OXTR: variants seen among roughly 807,000 people sequenced by gnomAD.
OXTR encodes oxytocin receptor.
Under a neutral mutation model 23.9 loss-of-function variants are expected in OXTR, and 19 were observed. That is an observed-to-expected ratio of 0.80 (90% CI 0.56 to 1.17). The LOEUF (loss-of-function observed/expected upper bound fraction) is 1.17. OXTR is among the 50% of genes most tolerant of loss of function. The pLI, the probability that OXTR is intolerant of heterozygous loss-of-function variation, is 0.00. For missense variants in OXTR, 500 were observed against 550.7 expected, an observed-to-expected ratio of 0.91 and a Z score of 0.92; for synonymous variants, 278 against 250.5, an observed-to-expected ratio of 1.11 and a Z score of -1.04.
intron 3 of OXTR, among the ~76,000 whole-genome samples, chr3:8,755,667 AG>A (rs1444518920): frequency 2.0e-5 from 3 of 152,184 alleles, no homozygotes; most frequent in Non-Finnish European, 4.4e-5. Context: ...GTGGGTCCTC[AG>A]GGGATGAAGG....
intron 3 of OXTR, among the ~76,000 whole-genome samples, chr3:8,765,702 TC>T (rs1245890503): frequency 6.6e-6 from 1 of 152,112 alleles, no homozygotes; most frequent in Non-Finnish European, 1.5e-5. Flanking sequence ...CCAACCCCAC[TC>T]CCTCATCATG....
the OXTR span, chr3:8,742,472 G>A: frequency 8.8e-6 from 4 of 456,502 alleles, no homozygotes; most frequent in Admixed American, 7.0e-5. Context: ...TGTAAGGAAA[G>A]GAGGACTCCA....
intron 3 of OXTR, among the ~76,000 whole-genome samples, chr3:8,761,494 G>T (rs1286852371): frequency 8.6e-6 from 1 of 116,026 alleles, no homozygotes; most frequent in African/African-American, 3.3e-5. Flanking sequence ...AAAACTGCTG[G>T]CCTGGGGCGG....
chr3:8,764,252 T>C lies in OXTR; in HGVS notation c.922+3014A>G, dbSNP rs185922247. On this transcript the variant is annotated intron_variant, in intron 3 of 3. Coordinates refer to ENST00000316793, the MANE Select transcript of OXTR (RefSeq NM_000916.4). The stretch of plus-strand genomic sequence containing the variant: ...CTCCCCTACCTCCCTGGGGTTTTCA[T>C]GATAAAGCAGGAACAGACCCATGTG... 3.0e-4 allele frequency among the ~76,000 whole-genome samples: 45 copies of C among 152,290 alleles called. 1 individual carries two copies. Among genetic ancestry groups the C allele is most frequent in the Admixed American group, 2.6e-3 (40 of 15,302 alleles).
At chr3:8,746,797 T>TCACACACACACACACACACACACACACA (rs113631543), downstream of OXTR, 1 of 132,966 alleles carries the variant, frequency 7.5e-6, no homozygotes, top group African/African-American at 2.6e-5. Flanking sequence ...TCTCTCTCTC[T>TCACACACACACACACACACACACACACA]CTCACACACA....
downstream of OXTR, among the ~76,000 whole-genome samples, chr3:8,747,303 G>A (rs1708189627): frequency 6.6e-6 from 1 of 152,116 alleles, no homozygotes; most frequent in African/African-American, 2.4e-5. Context: ...TCTCTAATGT[G>A]CATTTTGGCT....
Position 8,751,871 on chromosome 3 carries a change from T to C in OXTR, c.*1106A>G, listed in dbSNP as rs200889777. 6.6e-6 allele frequency: 1 copy of C among 152,340 alleles called. No homozygotes were observed. The highest frequency in any genetic ancestry group is 1.5e-5 in the Non-Finnish European group (1 of 68,032). 9.4% of individuals were successfully genotyped at this position (152,340 alleles called of 1,614,324 possible). ...GGTCCCTTGCATTTCTTTATGAATT[T>C]TGGGACTAGCTTATCAATTTCTGTA... On this transcript the variant is annotated 3_prime_UTR_variant, in exon 4 of 4. Transcript: ENST00000316793.
chr3:8,760,630 C>G (rs1159311101), intron 3 of OXTR, among the ~76,000 whole-genome samples: 1 of 152,346 alleles, frequency 6.6e-6, no homozygotes, highest in Non-Finnish European at 1.5e-5. Context: ...CTCCTAGGAA[C>G]ACCCTGTTCA....
At chr3:8,759,119 A>G (rs1187683363) in intron 3 of OXTR, among the ~76,000 whole-genome samples, 1 of 152,228 alleles carries the variant, frequency 6.6e-6, no homozygotes, top group African/African-American at 2.4e-5. Context: ...CCTTCCAACT[A>G]GCTCAAATCG....
In OXTR at chr3:8,767,650, C is replaced by G. The variant is rs762650827; in HGVS notation, c.538G>C (p.Val180Leu). Residue 180 changes from valine (V) to leucine (L), a missense_variant, in exon 3 of 4, where the codon GTG (valine) becomes CTG (leucine). Physicochemically the swap from Val to Leu is conservative, Grantham distance 32. Transcript: ENST00000316793. ...PQVHIFSLRE[V>L]ADGVFDCWAV... is the part of the protein sequence containing the mutation. The stretch of plus-strand genomic sequence containing the variant: ...CAGCAGTCGAAGACGCCGTCAGCCA[C>G]CTCGCGCAGAGAGAAGATGTGCACC... 4 of 1,612,710 alleles carry G rather than the reference C, an allele frequency of 2.5e-6. No homozygotes were observed. In the African/African-American group the frequency reaches 5.3e-5, roughly 22 times the overall value.
intron 3 of OXTR, 83 bp from the exon 4 acceptor site, chr3:8,753,307 C>A: frequency 6.8e-7 from 1 of 1,481,264 alleles, no homozygotes; most frequent in Non-Finnish European, 9.2e-7. Context: ...ACTTAAACAT[C>A]ATTTCCTGAG....
At position 8,768,016 on chromosome 3, in the gene OXTR, C is replaced by T. The variant is rs1239366031; in HGVS notation, c.172G>A (p.Ala58Thr). 3 of 1,608,564 alleles carry T rather than the reference C, an allele frequency of 1.9e-6. No individual in the cohort carries two copies. Among genetic ancestry groups the T allele is most frequent in the Non-Finnish European group, 2.5e-6 (3 of 1,177,956 alleles). The change falls in exon 3 of 4, where the codon GCG becomes ACG. Residue 58 changes from alanine (A) to threonine (T), a missense_variant. Physicochemically the swap from Ala to Thr is moderately conservative, Grantham distance 58. Coordinates refer to ENST00000316793, the MANE Select transcript of OXTR (RefSeq NM_000916.4). This position sits in a 1 kb window ranked among gnomAD's most constrained non-coding sequence, Gnocchi z 5.4. Reference sequence around the variant, plus strand: ...GTGCGCAGCGCCAGCAGCACACACGCGTTCCCGCTCAGCGCCAGGAGCAGG... The same window carrying T: ...GTGCGCAGCGCCAGCAGCACACACGTGTTCCCGCTCAGCGCCAGGAGCAGG... Reference protein sequence around the residue: ...LILLLALSGNACVLLALRTTR... With the variant: ...LILLLALSGNTCVLLALRTTR...
rs757022912 is a variant in OXTR, at chr3:8,767,464, C to T, written c.724G>A (p.Glu242Lys). 6.3e-6 allele frequency: 10 copies of T among 1,599,382 alleles called. No homozygotes were observed. Among genetic ancestry groups the T allele is most frequent in the African/African-American group, 1.3e-5 (1 of 74,500 alleles). The stretch of plus-strand genomic sequence containing the variant: ...CCAGCCGCCGCGCCCTCTGGCGCCT[C>T]GGCCGCCGCCGCTGCAGCGGTCTTG... Reference protein sequence around the residue: ...RLKTAAAAAAEAPEGAAAGDG... With the variant: ...RLKTAAAAAAKAPEGAAAGDG... Residue 242 changes from glutamate to lysine, a missense_variant, in exon 3 of 4, where the codon GAG becomes AAG. Transcript: ENST00000316793.
At chr3:8,764,336 C>T (rs368300245) in intron 3 of OXTR, among the ~76,000 whole-genome samples, 20 of 152,338 alleles carry the variant, frequency 1.3e-4, no homozygotes, top group African/African-American at 4.3e-4. Context: ...CCCTGGATGG[C>T]ATCACACTGT....
At chr3:8,765,872 C>T (rs1340124925) in intron 3 of OXTR, among the ~76,000 whole-genome samples, 1 of 152,210 alleles carries the variant, frequency 6.6e-6, no homozygotes. Context: ...TAACCAGTGT[C>T]TTGGCCACTA....
downstream of OXTR, among the ~76,000 whole-genome samples, chr3:8,747,835 A>G (rs1708196792): frequency 6.6e-6 from 1 of 152,212 alleles, no homozygotes; most frequent in Non-Finnish European, 1.5e-5. Flanking sequence ...TTATGTAGAG[A>G]ATTTGCCATC....
At chr3:8,745,364 G>GTAATTGA in the OXTR span, among the ~76,000 whole-genome samples, 1 of 152,144 alleles carries the variant, frequency 6.6e-6, no homozygotes, top group African/African-American at 2.4e-5. The surrounding 1 kb of genome is among the most constrained non-coding windows in gnomAD (Gnocchi z 4.8). Context: ...CCAGCCTCAG[G>GTAATTGA]TATGTCTTTA....
At position 8,750,773 on chromosome 3, in the gene OXTR, A is replaced by G. The variant is rs1019129316; in HGVS notation, c.*2204T>C. ...GTGGACAGACCACATTTTATTTCCC[A>G]TTCATCAGTTGGTAGACATTTGGGT... On this transcript the variant is annotated 3_prime_UTR_variant, in exon 4 of 4. Transcript: ENST00000316793. The G allele has an allele frequency of 3.9e-5, 6 of 152,120 alleles. No homozygotes were observed. Among genetic ancestry groups the G allele is most frequent in the African/African-American group, 1.4e-4 (6 of 41,412 alleles). The allele number at this position is 152,120 out of a possible 1,614,324, so 9.4% of individuals were successfully genotyped here. A position where few individuals can be genotyped will look rare whatever the true frequency, so the allele number is the denominator to read the frequency against.
intron 3 of OXTR, among the ~76,000 whole-genome samples, chr3:8,764,797 C>A (rs564282817): frequency 1.2e-4 from 19 of 152,298 alleles, no homozygotes; most frequent in African/African-American, 4.1e-4. Flanking sequence ...GTGCTTGGGG[C>A]AGCGGGGAGG....
Sources: allele counts gnomAD v4.1 joint callset (sites outside exome capture counted in the v4.1 genomes callset), GRCh38; gene constraint gnomAD v4.1.1; non-coding constraint Gnocchi (gnomAD v3.1); transcripts MANE v1.5; gene names NCBI Gene and HGNC (gene_info 2026-07-23, HGNC 2026-07-21).